Variants in OTOGL observed in about 807,000 individuals in gnomAD.
OTOGL encodes the protein otogelin like, also known as otogelin-like protein.
A neutral mutation model predicts 318.5 loss-of-function variants in OTOGL; 285 were observed. The observed-to-expected ratio is 0.89, with a 90% confidence interval of 0.81 to 0.99. The LOEUF (loss-of-function observed/expected upper bound fraction) is 0.99. OTOGL is among the 50% of genes least tolerant of loss of function. The pLI is 0.00. For synonymous variants in OTOGL, 987 were observed against 936.5 expected (o/e 1.05, Z -0.99); for missense variants, 2,899 against 2,845.6 (o/e 1.02, Z -0.43).
At chr12:80,216,169 C>T (rs1423468573) in intron 4 of OTOGL, among the ~76,000 whole-genome samples, 2 of 152,062 alleles carry the variant, frequency 1.3e-5, no homozygotes, top group Admixed American at 6.5e-5. Flanking sequence ...TGATATAGCA[C>T]GGGTAGATTT....
chr12:80,354,914 G>A (rs867922568), intron 46 of OTOGL, among the ~76,000 whole-genome samples: 6 of 151,774 alleles, frequency 4.0e-5, no homozygotes, highest in South Asian at 4.2e-4. Flanking sequence ...ATAATATTTT[G>A]CCTGATTGCC....
intron 29 of OTOGL, among the ~76,000 whole-genome samples, chr12:80,308,965 G>A (rs1886442101): frequency 7.2e-6 from 1 of 138,052 alleles, no homozygotes; most frequent in East Asian, 2.2e-4. Context: ...TGGAAAGAGA[G>A]GGAGAGGGAG....
rs1226282942 is a variant in OTOGL, at chr12:80,379,265, G to A, written c.*1217G>A. 6.6e-6 allele frequency: 1 copy of A among 151,974 alleles called. No individual in the cohort carries two copies. The highest frequency in any genetic ancestry group is 2.4e-5 in the African/African-American group (1 of 41,422). The allele number at this position is 151,974 out of a possible 1,614,324, so 9.4% of individuals were successfully genotyped here. ...ACTTAGTGTAATTGTATCAAGTGAA[G>A]TCAAACATCAACAAAAGAACAGTAA... On this transcript the variant is annotated 3_prime_UTR_variant, in exon 59 of 59. Transcript: ENST00000547103.
intron 57 of OTOGL, 35 bp downstream of exon 57, chr12:80,372,099 A>T: frequency 6.9e-7 from 1 of 1,440,156 alleles, no homozygotes; most frequent in Non-Finnish European, 9.3e-7. Flanking sequence ...TTTACTTGAT[A>T]GATTAGTTTT....
At chr12:80,230,315 T>C (rs1450788051) in intron 8 of OTOGL, among the ~76,000 whole-genome samples, 3 of 152,160 alleles carry the variant, frequency 2.0e-5, no homozygotes, top group Non-Finnish European at 4.4e-5. Context: ...CCAGAGCAGC[T>C]TCTCCCCTTG....
At chr12:80,140,728 C>CACCT (rs1871878623) in intron 1 of OTOGL, among the ~76,000 whole-genome samples, 1 of 152,150 alleles carries the variant, frequency 6.6e-6, no homozygotes. Context: ...CTTAGATTGG[C>CACCT]ACCTAGCTCA....
At chr12:80,226,438 ACT>A (rs1262134662) in intron 7 of OTOGL, among the ~76,000 whole-genome samples, 1 of 151,580 alleles carries the variant, frequency 6.6e-6, no homozygotes, top group African/African-American at 2.4e-5. Context: ...ATTTTTCCTA[ACT>A]CTCTACCTCT....
At chr12:80,292,826 A>T (rs1885135629) in intron 26 of OTOGL, among the ~76,000 whole-genome samples, 1 of 152,238 alleles carries the variant, frequency 6.6e-6, no homozygotes, top group African/African-American at 2.4e-5. Context: ...TCATATAAAA[A>T]TAACTCAAAG....
chr12:80,161,081 GA>G (rs1473642160), intron 1 of OTOGL, among the ~76,000 whole-genome samples: 1 of 152,032 alleles, frequency 6.6e-6, no homozygotes, highest in Non-Finnish European at 1.5e-5. Flanking sequence ...GGACTCGGGG[GA>G]AAGGCTGGGA....
intron 1 of OTOGL, among the ~76,000 whole-genome samples, chr12:80,147,878 C>A (rs1055869075): frequency 1.3e-5 from 2 of 151,864 alleles, no homozygotes; most frequent in Non-Finnish European, 2.9e-5. Flanking sequence ...GGATTGCAAC[C>A]CCTGCCTTTT....
intron 14 of OTOGL, 117 bp from the exon 15 acceptor site, chr12:80,254,407 C>T: frequency 1.9e-6 from 1 of 537,340 alleles, no homozygotes; most frequent in Non-Finnish European, 3.1e-6. Flanking sequence ...TTTTTTAAGT[C>T]AGATTATTCT....
At chr12:80,152,016 CA>C (rs1872813880) in intron 1 of OTOGL, among the ~76,000 whole-genome samples, 1 of 152,104 alleles carries the variant, frequency 6.6e-6, no homozygotes, top group South Asian at 2.1e-4. Flanking sequence ...AACTGTCCCC[CA>C]AATTTAAGTT....
At chr12:80,290,421 G>C (rs1392327810) in intron 26 of OTOGL, among the ~76,000 whole-genome samples, 1 of 151,622 alleles carries the variant, frequency 6.6e-6, no homozygotes, top group Non-Finnish European at 1.5e-5. Context: ...ACCATATTTT[G>C]AGTAGTAAGG....
intron 1 of OTOGL, among the ~76,000 whole-genome samples, chr12:80,114,699 G>A (rs1304359928): frequency 1.3e-5 from 2 of 152,120 alleles, no homozygotes; most frequent in East Asian, 3.9e-4. Context: ...ATAATATCCT[G>A]AAGTGTGTTT....
chr12:80,102,412 A>G (rs904939593), intron 1 of OTOGL, among the ~76,000 whole-genome samples: 9 of 152,128 alleles, frequency 5.9e-5, no homozygotes, highest in African/African-American at 2.2e-4. Context: ...CCAGCATGCA[A>G]TTGCCTAGTA....
At chr12:80,258,451 T>A (rs768266676) in intron 18 of OTOGL, among the ~76,000 whole-genome samples, 37 of 152,316 alleles carry the variant, frequency 2.4e-4, no homozygotes, top group Middle Eastern at 3.4e-3. Flanking sequence ...TGATATCATT[T>A]GGTATTATTA....
chr12:80,112,615 GC>G (rs1869910708), intron 1 of OTOGL, among the ~76,000 whole-genome samples: 1 of 152,002 alleles, frequency 6.6e-6, no homozygotes, highest in African/African-American at 2.4e-5. Flanking sequence ...TGGTGGATAA[GC>G]TTTTTGATGT....
At chr12:80,285,221 G>A in intron 26 of OTOGL, among the ~76,000 whole-genome samples, 1 of 151,914 alleles carries the variant, frequency 6.6e-6, no homozygotes, top group South Asian at 2.1e-4. Flanking sequence ...GCCTCTGTTA[G>A]GTTCCATTGG....
At position 80,356,893 on chromosome 12, in the gene OTOGL, T is replaced by A. The variant is rs748480012; in HGVS notation, c.5998T>A (p.Cys2000Ser). 6.3e-7 allele frequency: 1 copy of A among 1,590,432 alleles called. No individual in the cohort carries two copies. The highest frequency in any genetic ancestry group is 1.1e-5 in the South Asian group (1 of 87,186). ...FMIQVRQEEP[C>S]CFSPFCVCES... ...GATTCAAGTTCGACAGGAAGAACCT[T>A]GTTGTTTTTCCCCTTTTTGTGGTGA... The change falls in exon 49 of 59, where the codon TGT (cysteine) becomes AGT (serine). Residue 2000 changes from cysteine to serine, a missense_variant. Physicochemically the swap from Cys to Ser is moderately radical, Grantham distance 112. Coordinates refer to ENST00000547103, the MANE Select transcript of OTOGL (RefSeq NM_001378609.3).
Sources: allele counts gnomAD v4.1 joint callset (sites outside exome capture counted in the v4.1 genomes callset), GRCh38; gene constraint gnomAD v4.1.1; transcripts MANE v1.5; gene names NCBI Gene and HGNC (gene_info 2026-07-23, HGNC 2026-07-21).